The following L2HGDH variants were observed in gnomAD, a reference collection of about 807,000 sequenced individuals.
L2HGDH encodes L-2-hydroxyglutarate dehydrogenase, mitochondrial.
A neutral mutation model predicts 51.5 loss-of-function variants in L2HGDH; 34 were observed. That is an observed-to-expected ratio of 0.66 (90% CI 0.50 to 0.88). The LOEUF is 0.88. Among genes scored for constraint, L2HGDH ranks in the 40% least tolerant of loss-of-function variants. L2HGDH has a pLI of 0.00. For missense variants in L2HGDH, 558 were observed against 571.9 expected (o/e 0.98, Z 0.25); for synonymous variants, 198 against 197.9 (o/e 1.00, Z -0.01).
rs764864993 is a variant in L2HGDH, at chr14:50,283,892, T to C, written c.682A>G (p.Ser228Gly). 6.2e-7 allele frequency: 1 copy of C among 1,614,116 alleles called. No homozygotes were observed. The highest frequency in any genetic ancestry group is 1.7e-5 in the Admixed American group (1 of 60,024). Residue 228 changes from serine (S) to glycine (G), a missense_variant, in exon 5 of 10, where the codon AGT (serine) becomes GGT (glycine). Coordinates refer to ENST00000267436, the MANE Select transcript of L2HGDH (RefSeq NM_024884.3). ...TTACCATCTATACTTCTTGAAGGAC[T>C]TTCTTTAGCCATTTCAATACCTTTT... is the stretch of plus-strand genomic sequence containing the variant. ...EVKGIEMAKE[S>G]PSRSIDGMQY...
chr14:50,282,002 A>T (rs529630204), intron 5 of L2HGDH, among the ~76,000 whole-genome samples: 2 of 152,142 alleles, frequency 1.3e-5, no homozygotes, highest in South Asian at 2.1e-4. Flanking sequence ...CACCATGCCC[A>T]GCTAAGTTTT....
At position 50,245,510 on chromosome 14, in the gene L2HGDH, T is replaced by A. The variant is rs1887954584; in HGVS notation, c.*1548A>T. 2.1e-6 allele frequency: 2 copies of A among 973,210 alleles called. No homozygotes were observed. The highest frequency in any genetic ancestry group is 2.4e-6 in the Non-Finnish European group (2 of 818,846). The allele number at this position is 973,210 out of a possible 1,614,324, so 60.3% of individuals were successfully genotyped here. On this transcript the variant is annotated 3_prime_UTR_variant, in exon 10 of 10. Transcript: ENST00000267436. ...GTTTTGTTATTTCCTACAAATATTA[T>A]AATTAAGATAGAAACTTATTCAAAC...
In L2HGDH at chr14:50,312,146, A is replaced by G; in HGVS notation, c.5T>C (p.Val2Ala). 1 of 1,609,886 alleles carries G rather than the reference A, an allele frequency of 6.2e-7. No homozygotes were observed. Among genetic ancestry groups the G allele is most frequent in the South Asian group, 1.1e-5 (1 of 90,800 alleles). The change falls in exon 1 of 10, where the codon GTG becomes GCG. Residue 2 changes from valine to alanine, a missense_variant. Transcript: ENST00000267436. ...ACCAACCAAATAACGCAGCGCTGGC[A>G]CCATCCCCTACGCACGCTCCCCTCC... M[V>A]PALRYLVGAC...
chr14:50,290,864 GTTC>G (rs1890836732), intron 4 of L2HGDH, among the ~76,000 whole-genome samples: 1 of 151,854 alleles, frequency 6.6e-6, no homozygotes, highest in Non-Finnish European at 1.5e-5. Context: ...ACAAAATAAT[GTTC>G]TTCTTTTAAT....
chr14:50,287,673 T>C (rs1255732051), intron 4 of L2HGDH, among the ~76,000 whole-genome samples: 2 of 148,974 alleles, frequency 1.3e-5, no homozygotes, highest in Admixed American at 6.7e-5. Context: ...GACACATAAT[T>C]ATATTTTTAT....
At chr14:50,265,940 T>G (rs1412379231) in intron 8 of L2HGDH, among the ~76,000 whole-genome samples, 1 of 151,778 alleles carries the variant, frequency 6.6e-6, no homozygotes, top group African/African-American at 2.4e-5. Context: ...AATGAATCAA[T>G]GAAAATCAAC....
At chr14:50,247,905 T>A (rs1888101562) in intron 9 of L2HGDH, among the ~76,000 whole-genome samples, 1 of 152,062 alleles carries the variant, frequency 6.6e-6, no homozygotes, top group Non-Finnish European at 1.5e-5. Context: ...TTTTTTTTTT[T>A]AATTGAGATA....
At chr14:50,258,148 A>T (rs557260104) in intron 9 of L2HGDH, among the ~76,000 whole-genome samples, 1 of 151,906 alleles carries the variant, frequency 6.6e-6, no homozygotes, top group African/African-American at 2.4e-5. Context: ...TCCAGTTGCA[A>T]CAATTATACA....
chr14:50,299,900 C>T (rs1232547722), intron 3 of L2HGDH: 1 of 153,454 alleles, frequency 6.5e-6, no homozygotes, highest in Non-Finnish European at 1.5e-5. Context: ...ACAAATGGTC[C>T]ATGCCACAAA....
intron 6 of L2HGDH, among the ~76,000 whole-genome samples, chr14:50,271,079 A>G (rs1045335669): frequency 2.7e-5 from 4 of 150,604 alleles, no homozygotes; most frequent in Non-Finnish European, 5.9e-5. Context: ...TACAGCCTCA[A>G]CCTCCTGGGT....
chr14:50,256,499 A>G (rs542384037), intron 9 of L2HGDH, among the ~76,000 whole-genome samples: 23 of 150,904 alleles, frequency 1.5e-4, no homozygotes, highest in African/African-American at 5.4e-4. Flanking sequence ...CCTGGGTGAC[A>G]GGGCGAGAGC....
At position 50,286,043 on chromosome 14, in the gene L2HGDH, G is replaced by A. The variant is rs1890546173; in HGVS notation, c.541-2010C>T. Reference sequence around the variant, plus strand: ...TGGTGTTGGTAGACAGGCTGGCTGTGTCTGTCACCCAGGAGGTTGGGCATG... The same window carrying A: ...TGGTGTTGGTAGACAGGCTGGCTGTATCTGTCACCCAGGAGGTTGGGCATG... On this transcript the variant is annotated intron_variant, in intron 4 of 9. Transcript: ENST00000267436. 4.6e-5 allele frequency among the ~76,000 whole-genome samples: 7 copies of A among 152,316 alleles called. No individual in the cohort carries two copies. The South Asian group carries it at 1.2e-3, about 27-fold the overall frequency.
At chr14:50,284,560 A>G (rs1164707414) in intron 4 of L2HGDH, among the ~76,000 whole-genome samples, 1 of 152,262 alleles carries the variant, frequency 6.6e-6, no homozygotes, top group Non-Finnish European at 1.5e-5. Context: ...AATGACCTAT[A>G]TAACACATGC....
At chr14:50,277,640 G>C (rs1458527140) in intron 6 of L2HGDH, among the ~76,000 whole-genome samples, 1 of 151,862 alleles carries the variant, frequency 6.6e-6, no homozygotes, top group Admixed American at 6.6e-5. Flanking sequence ...GCCAGGTGTG[G>C]TGGCGGGCGC....
At chr14:50,310,800 A>C (rs903542277) in intron 1 of L2HGDH, among the ~76,000 whole-genome samples, 13 of 152,108 alleles carry the variant, frequency 8.5e-5, no homozygotes, top group Non-Finnish European at 1.9e-4. Context: ...AACTGTCCAC[A>C]TGCCCCATAA....
intron 9 of L2HGDH, among the ~76,000 whole-genome samples, chr14:50,264,946 C>G (rs1311271942): frequency 6.6e-6 from 1 of 152,120 alleles, no homozygotes; most frequent in Non-Finnish European, 1.5e-5. Flanking sequence ...AATTAGTTAA[C>G]ATAGTGATCA....
intron 1 of L2HGDH, among the ~76,000 whole-genome samples, chr14:50,310,393 T>C (rs1011522519): frequency 6.6e-6 from 1 of 152,080 alleles, no homozygotes. Flanking sequence ...CAATTTCCAA[T>C]GGATCTATAA....
At position 50,281,410 on chromosome 14, in the gene L2HGDH, C is replaced by T. The variant is rs560169842; in HGVS notation, c.703+2461G>A. Reference sequence around the variant, plus strand: ...GCGTTTAAGACCAGCCTGGCCAACACGGTGAAACCACGTCTCTACTAAAAA... The same window carrying T: ...GCGTTTAAGACCAGCCTGGCCAACATGGTGAAACCACGTCTCTACTAAAAA... On this transcript the variant is annotated intron_variant, in intron 5 of 9. Coordinates refer to ENST00000267436, the MANE Select transcript of L2HGDH (RefSeq NM_024884.3). 1.6e-3 allele frequency among the ~76,000 whole-genome samples: 249 copies of T among 151,948 alleles called. 2 individuals carry two copies. The highest frequency in any genetic ancestry group is 1.7e-3 in the Non-Finnish European group (115 of 67,948).
intron 1 of L2HGDH, among the ~76,000 whole-genome samples, chr14:50,308,050 T>A (rs535720791): frequency 2.0e-5 from 3 of 152,222 alleles, no homozygotes; most frequent in African/African-American, 7.2e-5. Flanking sequence ...TAACTGCATA[T>A]CTCCCAAAGG....
Sources: gnomAD v4.1 joint callset for allele counts (sites outside exome capture counted in the v4.1 genomes callset) on GRCh38, gnomAD v4.1.1 for gene constraint, MANE v1.5 for transcripts, NCBI Gene and HGNC (gene_info 2026-07-23, HGNC 2026-07-21) for gene names.